The following ABI3BP variants were observed in gnomAD, a reference collection of about 807,000 sequenced individuals.
ABI3BP encodes ABI family member 3 binding protein.
Under a neutral mutation model 268.6 loss-of-function variants are expected in ABI3BP, and 216 were observed. The ratio of observed to expected loss-of-function variants is 0.80; its 90% CI spans 0.72 to 0.90. The LOEUF is 0.90. Among genes scored for constraint, ABI3BP ranks in the 40% least tolerant of loss-of-function variants. The pLI is 0.00. For missense variants in ABI3BP, 2,090 were observed against 2,182.4 expected (o/e 0.96, Z 0.84); for synonymous variants, 730 against 730.0 (o/e 1.00, Z 0.00).
intron 14 of ABI3BP, among the ~76,000 whole-genome samples, chr3:100,855,943 G>C (rs1352973699): frequency 6.6e-6 from 1 of 152,170 alleles, no homozygotes; most frequent in Non-Finnish European, 1.5e-5. Context: ...TTGCCTGCAA[G>C]AAAATATTCA....
chr3:100,807,449 A>G (rs1030703684), intron 50 of ABI3BP, among the ~76,000 whole-genome samples: 5 of 152,048 alleles, frequency 3.3e-5, no homozygotes, highest in Admixed American at 1.3e-4. Context: ...AGTAATTAGA[A>G]CATATTTAAA....
In ABI3BP at chr3:100,848,786, TAA is replaced by T. The variant is rs1315376610; in HGVS notation, c.1576+13_1576+14del. The T allele has an allele frequency of 6.2e-7, 1 of 1,604,444 alleles. No individual in the cohort carries two copies. Among genetic ancestry groups the T allele is most frequent in the East Asian group, 2.2e-5 (1 of 44,778 alleles). ...TCTGGAATTACATATCATGTAAATATAAAGAGACATTTACCAGGTTTGGTTCT... is the reference window on the plus strand; with the variant it reads ...TCTGGAATTACATATCATGTAAATATAGAGACATTTACCAGGTTTGGTTCT... On this transcript the variant is annotated intron_variant, in intron 18 of 67. Coordinates refer to ENST00000471714, the MANE Select transcript of ABI3BP (RefSeq NM_001375547.2).
rs74730025 is a variant in ABI3BP, at chr3:100,842,807, T to C, written c.1724-768A>G. Among the ~76,000 whole-genome samples, 804 of 152,300 alleles carry C rather than the reference T, an allele frequency of 5.3e-3. 5 individuals carry two copies. The highest frequency in any genetic ancestry group is 0.019 in the African/African-American group (772 of 41,562). ...ACCCAATAGGTTTCTCATTATTCTA[T>C]CAACAAAAAGTATTGTTTAAGGAGA... On this transcript the variant is annotated intron_variant, in intron 20 of 67. Coordinates refer to ENST00000471714, the MANE Select transcript of ABI3BP (RefSeq NM_001375547.2).
At chr3:100,952,106 G>A (rs34422754) in intron 1 of ABI3BP, among the ~76,000 whole-genome samples, 1 of 152,014 alleles carries the variant, frequency 6.6e-6, no homozygotes, top group Non-Finnish European at 1.5e-5. Context: ...AGGGGAAAAG[G>A]CATTTTTATC....
At chr3:100,787,937 T>C in intron 56 of ABI3BP, 135 bp from the exon 57 acceptor site, 2 of 529,712 alleles carry the variant, frequency 3.8e-6, no homozygotes, top group Non-Finnish European at 6.2e-6. Context: ...ATTCAGAATA[T>C]AGAAACCACA....
intron 1 of ABI3BP, among the ~76,000 whole-genome samples, chr3:100,988,315 A>G (rs2153985088): frequency 6.6e-6 from 1 of 152,282 alleles, no homozygotes; most frequent in South Asian, 2.1e-4. Flanking sequence ...CTCTCCAAAG[A>G]CAACATTTTA....
intron 35 of ABI3BP, among the ~76,000 whole-genome samples, chr3:100,825,551 A>C (rs1232393522): frequency 6.6e-6 from 1 of 152,206 alleles, no homozygotes; most frequent in East Asian, 1.9e-4. Context: ...GCCACATGGC[A>C]GGTAAATATT....
rs2098026526 is a variant in ABI3BP, at chr3:100,815,929, G to T, written c.3272C>A (p.Ala1091Asp). The change falls in exon 44 of 68, where the codon GCT becomes GAT. Residue 1091 changes from alanine to aspartate, a missense_variant. By Grantham distance (126) the Ala-to-Asp change is moderately radical. Transcript: ENST00000471714. ...ATCATTACCAAATGTTGTTCCTGGA[G>T]CATCAGTACTATGAACAACAGGTTC... is the stretch of plus-strand genomic sequence containing the variant. The part of the protein sequence containing the change: ...GFEPVVHSTD[A>D]PGTTFALTEL... 1 of 1,523,980 alleles carries T rather than the reference G, an allele frequency of 6.6e-7. No homozygotes were observed. Among genetic ancestry groups the T allele is most frequent in the Non-Finnish European group, 8.7e-7 (1 of 1,143,468 alleles). 94.4% of individuals were successfully genotyped at this position (1,523,980 alleles called of 1,614,324 possible). A position where few individuals can be genotyped will look rare whatever the true frequency, so the allele number is the denominator to read the frequency against.
intron 2 of ABI3BP, among the ~76,000 whole-genome samples, chr3:100,913,803 T>C (rs1366373247): frequency 6.6e-6 from 1 of 152,198 alleles, no homozygotes; most frequent in East Asian, 1.9e-4. Context: ...CCTCCACCTT[T>C]TAGAGTATTC....
intron 51 of ABI3BP, among the ~76,000 whole-genome samples, chr3:100,802,318 G>T (rs1246571371): frequency 1.3e-5 from 2 of 152,288 alleles, no homozygotes; most frequent in Non-Finnish European, 2.9e-5. Context: ...CTATCCCAAT[G>T]CCTGGGGGTC....
chr3:100,973,245 T>C lies in ABI3BP; in HGVS notation c.79+20061A>G, dbSNP rs552825818. ...TAATGAATCAACAACGTGTATTAAG[T>C]AAGGCATCTTTAAACAGAAACACAC... On this transcript the variant is annotated intron_variant, in intron 1 of 67. Transcript: ENST00000471714. 3.3e-5 allele frequency among the ~76,000 whole-genome samples: 5 copies of C among 152,274 alleles called. No homozygotes were observed. The South Asian group carries it at 1.0e-3, about 32-fold the overall frequency.
chr3:100,898,481 G>A (rs1026025105), intron 4 of ABI3BP, among the ~76,000 whole-genome samples: 6 of 152,180 alleles, frequency 3.9e-5, no homozygotes, highest in African/African-American at 7.2e-5. Context: ...CTTTGGCCCC[G>A]CCTTCTGAGT....
At chr3:100,985,615 T>C (rs1346496927) in intron 1 of ABI3BP, among the ~76,000 whole-genome samples, 1 of 152,184 alleles carries the variant, frequency 6.6e-6, no homozygotes, top group African/African-American at 2.4e-5. Flanking sequence ...GTACATGGTA[T>C]CAACCACATT....
chr3:100,810,156 G>A (rs1453855117), intron 49 of ABI3BP, among the ~76,000 whole-genome samples: 1 of 152,072 alleles, frequency 6.6e-6, no homozygotes, highest in Non-Finnish European at 1.5e-5. Flanking sequence ...GAATATAAAT[G>A]TTCTTCCCAG....
chr3:100,985,621 A>G (rs1054505034), intron 1 of ABI3BP, among the ~76,000 whole-genome samples: 6 of 152,188 alleles, frequency 3.9e-5, no homozygotes, highest in South Asian at 2.1e-4. Context: ...GGTATCAACC[A>G]CATTTGATGG....
chr3:100,919,127 C>A (rs894992774), intron 2 of ABI3BP, among the ~76,000 whole-genome samples: 1 of 152,122 alleles, frequency 6.6e-6, no homozygotes, highest in Non-Finnish European at 1.5e-5. Flanking sequence ...ATGGCTGGTA[C>A]TACATCATTT....
intron 1 of ABI3BP, among the ~76,000 whole-genome samples, chr3:100,983,400 C>T (rs755638770): frequency 6.6e-6 from 1 of 152,190 alleles, no homozygotes; most frequent in Non-Finnish European, 1.5e-5. Flanking sequence ...ATAACCCGTA[C>T]TTTCTGAGTA....
intron 2 of ABI3BP, among the ~76,000 whole-genome samples, chr3:100,907,622 G>A (rs766896275): frequency 9.9e-5 from 15 of 152,050 alleles, no homozygotes; most frequent in Non-Finnish European, 2.1e-4. Flanking sequence ...AGAGGAAAAT[G>A]TTCAAAAAAT....
At chr3:100,875,465 C>T (rs778014039) in intron 8 of ABI3BP, 43 bp downstream of exon 8, 1 of 1,440,696 alleles carries the variant, frequency 6.9e-7, no homozygotes. Context: ...CAAAAGATAG[C>T]CCGATTTGCT....
Sources: gnomAD v4.1 joint callset for allele counts (sites outside exome capture counted in the v4.1 genomes callset) on GRCh38, gnomAD v4.1.1 for gene constraint, MANE v1.5 for transcripts, NCBI Gene and HGNC (gene_info 2026-07-23, HGNC 2026-07-21) for gene names.